The following TMEM169 variants were observed in gnomAD, a reference collection of about 807,000 sequenced individuals.
TMEM169 encodes transmembrane protein 169.
Under a neutral mutation model 27.3 loss-of-function variants are expected in TMEM169, and 18 were observed. The observed-to-expected ratio is 0.66, with a 90% CI of 0.46 to 0.98. The LOEUF (loss-of-function observed/expected upper bound fraction) is 0.98, where lower values mean the gene tolerates loss of function less well. Among genes scored for constraint, TMEM169 ranks in the 50% least tolerant of loss-of-function variants. The probability of loss-of-function intolerance (pLI) is 0.00; values close to 1 mark genes in which losing one functional copy is unlikely to be tolerated. For synonymous variants in TMEM169, 136 were observed against 142.1 expected, an observed-to-expected ratio of 0.96 and a Z score of 0.30; for missense variants, 320 against 368.6, an observed-to-expected ratio of 0.87 and a Z score of 1.08.
At chr2:216,085,963 G>T (rs1445311351) in intron 1 of TMEM169, among the ~76,000 whole-genome samples, 3 of 151,956 alleles carry the variant, frequency 2.0e-5, no homozygotes, top group Non-Finnish European at 4.4e-5. Context: ...GAGTTCCAGA[G>T]TATGAGCATG....
intron 1 of TMEM169, among the ~76,000 whole-genome samples, chr2:216,093,646 T>C (rs6736096): frequency 0.66 from 99,589 of 151,822 alleles, 34,368 homozygotes; most frequent in African/African-American, 0.87. Flanking sequence ...AGATCCAACA[T>C]CTGCCAATCC....
At chr2:216,093,739 G>T (rs1364943017) in intron 1 of TMEM169, among the ~76,000 whole-genome samples, 2 of 152,022 alleles carry the variant, frequency 1.3e-5, no homozygotes, top group Non-Finnish European at 1.5e-5. Context: ...CTGCCTGGAG[G>T]GGGAGAAAAA....
intron 1 of TMEM169, among the ~76,000 whole-genome samples, chr2:216,089,697 G>A (rs1696083700): frequency 6.6e-6 from 1 of 152,036 alleles, no homozygotes; most frequent in African/African-American, 2.4e-5. Flanking sequence ...CAAGTGATCC[G>A]CCCATCTTGC....
Position 216,100,203 on chromosome 2 carries a change from C to G in TMEM169, c.555C>G (p.Ile185Met). The change falls in exon 3 of 3, where the codon ATC becomes ATG. Residue 185 changes from isoleucine (I) to methionine (M), a missense_variant. Physicochemically the swap from Ile to Met is conservative, Grantham distance 10 (BLOSUM62 1). Transcript: ENST00000437356. ...SFVVSFYYGTITWYNIFLVYN... is the reference protein window; with the variant it reads ...SFVVSFYYGTMTWYNIFLVYN... ...TTGTCTCTTTCTACTACGGCACTAT[C>G]ACCTGGTACAACATCTTCCTCGTGT... is the stretch of plus-strand genomic sequence containing the variant. The G allele has an allele frequency of 6.2e-7, 1 of 1,613,888 alleles. No individual in the cohort carries two copies. The highest frequency in any genetic ancestry group is 8.5e-7 in the Non-Finnish European group (1 of 1,180,006).
At chr2:216,089,400 G>A (rs1452590278) in intron 1 of TMEM169, among the ~76,000 whole-genome samples, 1 of 152,112 alleles carries the variant, frequency 6.6e-6, no homozygotes, top group Admixed American at 6.5e-5. Context: ...ACCATCAGCT[G>A]TTCACTGCAG....
In TMEM169 at chr2:216,100,658, G is replaced by A. The variant is rs1030367935; in HGVS notation, c.*116G>A. 1.4e-6 allele frequency: 2 copies of A among 1,399,506 alleles called. No homozygotes were observed. Among genetic ancestry groups the A allele is most frequent in the South Asian group, 1.3e-5 (1 of 77,698 alleles). The allele number at this position is 1,399,506 out of a possible 1,614,324, so 86.7% of individuals were successfully genotyped here. ...TCTCCGCAGTTCTTCTGGGAAATCA[G>A]AGTCCATACTGATCAGTTTTACCAT... On this transcript the variant is annotated 3_prime_UTR_variant, in exon 3 of 3. Transcript: ENST00000437356.
At chr2:216,092,426 G>C (rs1696155200) in intron 1 of TMEM169, among the ~76,000 whole-genome samples, 1 of 151,962 alleles carries the variant, frequency 6.6e-6, no homozygotes, top group Admixed American at 6.6e-5. Flanking sequence ...GGGATTACAG[G>C]CATGAGCCAC....
chr2:216,099,078 G>A lies in TMEM169; in HGVS notation c.272-842G>A, dbSNP rs1559229505. On this transcript the variant is annotated intron_variant, in intron 2 of 2. Coordinates refer to ENST00000437356, the MANE Select transcript of TMEM169 (RefSeq NM_001142311.2). The surrounding 1 kb of genome is among the most constrained non-coding windows in gnomAD (Gnocchi z 5.0). ...TGGTGTGTGTGATGTGTATGTGTGT[G>A]TGTGGTGTGTTATGTGTGTATGTTG... is the stretch of plus-strand genomic sequence containing the variant. 6.6e-6 allele frequency among the ~76,000 whole-genome samples: 1 copy of A among 151,264 alleles called. No homozygotes were observed. Among genetic ancestry groups the A allele is most frequent in the Non-Finnish European group, 1.5e-5 (1 of 67,906 alleles).
At chr2:216,086,069 C>T (rs1695987661) in intron 1 of TMEM169, among the ~76,000 whole-genome samples, 1 of 147,192 alleles carries the variant, frequency 6.8e-6, no homozygotes, top group African/African-American at 2.5e-5. Flanking sequence ...TTGTAAGAAT[C>T]TTTTTTTTTT....
rs199942235 is a variant in TMEM169 at position 216,096,106 on chromosome 2, G to A, written c.143G>A (p.Arg48His). The change falls in exon 2 of 3, where the codon CGC (arginine) becomes CAC (histidine). Residue 48 changes from arginine (R) to histidine (H), a missense_variant. Coordinates refer to ENST00000437356, the MANE Select transcript of TMEM169 (RefSeq NM_001142311.2). The part of the protein sequence containing the change: ...GHRKKKRKES[R>H]PESIIIYRSD... ...AGGAAAAAGAAGAGGAAAGAGTCAC[G>A]CCCAGAATCCATCATCATCTACCGC... is the stretch of plus-strand genomic sequence containing the variant. 8.7e-6 allele frequency: 14 copies of A among 1,614,034 alleles called. No homozygotes were observed. Among genetic ancestry groups the A allele is most frequent in the African/African-American group, 6.7e-5 (5 of 74,904 alleles).
chr2:216,082,254 G>C (rs1014051906), intron 1 of TMEM169: 1 of 161,374 alleles, frequency 6.2e-6, no homozygotes, highest in Non-Finnish European at 1.4e-5. Context: ...CGCTGGCTGG[G>C]AAGGGGAGAA....
rs143562693 is a variant in TMEM169, at chr2:216,099,599, G to A, written c.272-321G>A. ...TTGCATCATGTCTGTATCAAAGTTCGTCACACTCCTCCGTGCCACAGAGAT... is the reference window on the plus strand; with the variant it reads ...TTGCATCATGTCTGTATCAAAGTTCATCACACTCCTCCGTGCCACAGAGAT... On this transcript the variant is annotated intron_variant, in intron 2 of 2. Coordinates refer to ENST00000437356, the MANE Select transcript of TMEM169 (RefSeq NM_001142311.2). This position sits in a 1 kb window ranked among gnomAD's most constrained non-coding sequence, Gnocchi z 5.0. 1.8e-4 allele frequency among the ~76,000 whole-genome samples: 27 copies of A among 152,106 alleles called. No individual in the cohort carries two copies. In the East Asian group the frequency reaches 4.2e-3, roughly 24 times the overall value.
rs1696250575 is a variant in TMEM169, at chr2:216,095,904, T to C, written c.-60T>C. On this transcript the variant is annotated 5_prime_UTR_variant, in exon 2 of 3. Coordinates refer to ENST00000437356, the MANE Select transcript of TMEM169 (RefSeq NM_001142311.2). ...GGAAGAAGTTCTGTGATGTGTGAAC[T>C]GTGAGTTTACTCAAACAAGTCCAAC... The C allele has an allele frequency of 2.6e-6, 4 of 1,548,392 alleles. No homozygotes were observed. The highest frequency in any genetic ancestry group is 3.5e-6 in the Non-Finnish European group (4 of 1,147,262).
At chr2:216,084,694 A>T (rs1232814144) in intron 1 of TMEM169, among the ~76,000 whole-genome samples, 2 of 152,228 alleles carry the variant, frequency 1.3e-5, no homozygotes, top group Non-Finnish European at 2.9e-5. Context: ...GGCTCAGAGG[A>T]GGAAACATTT....
rs577581252 is a variant in TMEM169, at chr2:216,099,426, C to T, written c.272-494C>T. On this transcript the variant is annotated intron_variant, in intron 2 of 2. Transcript: ENST00000437356. This position sits in a 1 kb window ranked among gnomAD's most constrained non-coding sequence, Gnocchi z 5.0. ...TATATGTGGGATGCATGTGTGTATG[C>T]GTGCAGCCCCTGGATGTGAGGGCTG... is the stretch of plus-strand genomic sequence containing the variant. Among the ~76,000 whole-genome samples the T allele has an allele frequency of 5.3e-5, 8 of 151,722 alleles. No homozygotes were observed. The South Asian group carries it at 6.3e-4, about 12-fold the overall frequency.
intron 1 of TMEM169, among the ~76,000 whole-genome samples, chr2:216,086,380 C>CTGGAAG (rs1391636555): frequency 6.6e-6 from 1 of 152,012 alleles, no homozygotes; most frequent in African/African-American, 2.4e-5. Flanking sequence ...AATCTTTAGA[C>CTGGAAG]TGGAAGTGGA....
chr2:216,092,557 G>A (rs1696158067), intron 1 of TMEM169, among the ~76,000 whole-genome samples: 1 of 152,088 alleles, frequency 6.6e-6, no homozygotes, highest in African/African-American at 2.4e-5. Context: ...AAAGAGAGAG[G>A]AAAAGGGAAC....
chr2:216,095,355 T>C (rs1352790978), intron 1 of TMEM169, among the ~76,000 whole-genome samples: 6 of 152,072 alleles, frequency 3.9e-5, no homozygotes, highest in Non-Finnish European at 7.4e-5. Flanking sequence ...CTCAAAGTGC[T>C]GGGATTATAT....
At chr2:216,087,086 T>C (rs1370557055) in intron 1 of TMEM169, among the ~76,000 whole-genome samples, 1 of 152,068 alleles carries the variant, frequency 6.6e-6, no homozygotes, top group African/African-American at 2.4e-5. Context: ...GAGTCTGTCT[T>C]GAGCCAGGCT....
Sources: allele counts gnomAD v4.1 joint callset (sites outside exome capture counted in the v4.1 genomes callset), GRCh38; gene constraint gnomAD v4.1.1; non-coding constraint Gnocchi (gnomAD v3.1); transcripts MANE v1.5; gene names NCBI Gene and HGNC (gene_info 2026-07-23, HGNC 2026-07-21).